The following KCNQ5 variants were observed in gnomAD, a reference collection of about 807,000 sequenced individuals.
KCNQ5 encodes the protein potassium voltage-gated channel subfamily Q member 5.
KCNQ5 carries 30 observed loss-of-function variants against 98.2 expected under a neutral mutation model. The observed-to-expected ratio is 0.31, with a 90% CI of 0.23 to 0.41. KCNQ5 has a LOEUF of 0.41. Among genes scored for constraint, KCNQ5 ranks in the 10% least tolerant of loss-of-function variants. The pLI is 1.00. For missense variants in KCNQ5, 835 were observed against 1,182.5 expected (o/e 0.71, Z 4.31); for synonymous variants, 458 against 449.4 (o/e 1.02, Z -0.24).
At position 72,813,895 on chromosome 6, in the gene KCNQ5, T is replaced by A. The variant is rs142739947; in HGVS notation, c.399-190013T>A. On this transcript the variant is annotated intron_variant, in intron 1 of 13. Transcript: ENST00000370398. ...CTCTTGTTGGTTGACTCTGTGGATA[T>A]GGAGAGTCAACTGTACCCTGTTGTA... Among the ~76,000 whole-genome samples, 1,153 of 152,336 alleles carry A rather than the reference T, an allele frequency of 7.6e-3. 9 individuals carry two copies. Among genetic ancestry groups the A allele is most frequent in the Non-Finnish European group, 9.2e-3 (628 of 68,026 alleles).
At chr6:72,887,434 T>C (rs1454766499) in intron 1 of KCNQ5, among the ~76,000 whole-genome samples, 2 of 152,036 alleles carry the variant, frequency 1.3e-5, no homozygotes, top group Non-Finnish European at 1.5e-5. Flanking sequence ...CACGTGGGAA[T>C]TGTGGGAGTT....
intron 1 of KCNQ5, among the ~76,000 whole-genome samples, chr6:72,632,139 T>TTG (rs1554680132): frequency 1.6e-4 from 4 of 25,216 alleles, no homozygotes; most frequent in Non-Finnish European, 7.3e-4. Flanking sequence ...TCTTTCTTTC[T>TTG]TTTTTTTTTT....
At chr6:72,658,578 A>ATATATATATATATATAT (rs1226386362) in intron 1 of KCNQ5, among the ~76,000 whole-genome samples, 2 of 76,380 alleles carry the variant, frequency 2.6e-5, no homozygotes, top group African/African-American at 8.7e-5. Context: ...ATATATATAT[A>ATATATATATATATATAT]TTTTTTTTTT....
chr6:72,815,588 T>G (rs943988771), intron 1 of KCNQ5, among the ~76,000 whole-genome samples: 1 of 152,144 alleles, frequency 6.6e-6, no homozygotes, highest in African/African-American at 2.4e-5. Flanking sequence ...AAAGCTAAGC[T>G]TAGATATTTG....
At chr6:72,965,341 G>A (rs1338308452) in intron 1 of KCNQ5, among the ~76,000 whole-genome samples, 3 of 152,180 alleles carry the variant, frequency 2.0e-5, no homozygotes, top group Admixed American at 1.3e-4. Flanking sequence ...ACAATAATAT[G>A]TATTGATAAG....
chr6:72,678,078 C>T (rs1222197181), intron 1 of KCNQ5, among the ~76,000 whole-genome samples: 3 of 152,168 alleles, frequency 2.0e-5, no homozygotes. Context: ...CTTGGAATTA[C>T]AACTTGAATA....
chr6:72,922,344 A>G (rs1230552682), intron 1 of KCNQ5, among the ~76,000 whole-genome samples: 1 of 152,186 alleles, frequency 6.6e-6, no homozygotes, highest in Non-Finnish European at 1.5e-5. Flanking sequence ...ATGATTTTTA[A>G]TATATGTATA....
intron 7 of KCNQ5, among the ~76,000 whole-genome samples, chr6:73,112,379 T>G (rs2150428592): frequency 6.6e-6 from 1 of 151,668 alleles, no homozygotes; most frequent in South Asian, 2.1e-4. Context: ...AGAGTCCCGC[T>G]TTGTCGCCCA....
chr6:72,940,218 A>T (rs543263020), intron 1 of KCNQ5, among the ~76,000 whole-genome samples: 2 of 152,220 alleles, frequency 1.3e-5, no homozygotes, highest in Non-Finnish European at 2.9e-5. Flanking sequence ...GGGCCTGCCT[A>T]TTCCCAAAAA....
chr6:72,789,655 A>G (rs1037810360), intron 1 of KCNQ5, among the ~76,000 whole-genome samples: 2 of 152,172 alleles, frequency 1.3e-5, no homozygotes, highest in African/African-American at 4.8e-5. Flanking sequence ...ATGTTTTGTG[A>G]GGTAGACATT....
chr6:72,676,841 C>CCAAATGT (rs1767436569), intron 1 of KCNQ5, among the ~76,000 whole-genome samples: 1 of 147,186 alleles, frequency 6.8e-6, no homozygotes, highest in African/African-American at 2.5e-5. Flanking sequence ...TAACATAGGA[C>CCAAATGT]CAAATGTTAA....
chr6:73,078,076 G>A (rs2150392147), intron 5 of KCNQ5, among the ~76,000 whole-genome samples, 189 bp downstream of exon 5: 1 of 151,584 alleles, frequency 6.6e-6, no homozygotes, highest in South Asian at 2.1e-4. Context: ...AAGTTGTCTT[G>A]TAAACCATCA....
intron 1 of KCNQ5, among the ~76,000 whole-genome samples, chr6:72,997,731 C>T (rs781770396): frequency 3.6e-5 from 5 of 138,478 alleles, no homozygotes; most frequent in Admixed American, 8.1e-5. Flanking sequence ...TGCAGTGAGC[C>T]GAGATTGCGT....
At chr6:72,960,202 A>C (rs13212511) in intron 1 of KCNQ5, among the ~76,000 whole-genome samples, 2 of 152,210 alleles carry the variant, frequency 1.3e-5, no homozygotes, top group Non-Finnish European at 2.9e-5. Flanking sequence ...TGGCCATTCC[A>C]TCACAGTATC....
chr6:72,723,847 T>C (rs1328634662), intron 1 of KCNQ5, among the ~76,000 whole-genome samples: 1 of 152,164 alleles, frequency 6.6e-6, no homozygotes, highest in South Asian at 2.1e-4. Context: ...CAACCCTTCA[T>C]GCTATTTTAG....
chr6:72,684,049 A>G (rs73535768), intron 1 of KCNQ5, among the ~76,000 whole-genome samples: 1 of 152,176 alleles, frequency 6.6e-6, no homozygotes, highest in African/African-American at 2.4e-5. Flanking sequence ...TTCAAAACCT[A>G]CAAGAAAACT....
At chr6:73,186,423 A>C (rs149628996) in intron 11 of KCNQ5, among the ~76,000 whole-genome samples, 253 of 152,350 alleles carry the variant, frequency 1.7e-3, no homozygotes, top group African/African-American at 5.8e-3. Context: ...TTAATAAGTA[A>C]GATTTTTTTT....
At chr6:72,982,833 G>T (rs1028418298) in intron 1 of KCNQ5, among the ~76,000 whole-genome samples, 1 of 152,124 alleles carries the variant, frequency 6.6e-6, no homozygotes, top group East Asian at 1.9e-4. Flanking sequence ...CATGTTTAGT[G>T]CTTCCTTTAG....
chr6:72,633,326 G>A (rs992986636), intron 1 of KCNQ5, among the ~76,000 whole-genome samples: 1 of 152,082 alleles, frequency 6.6e-6, no homozygotes, highest in Admixed American at 6.5e-5. Flanking sequence ...GGATATTAGA[G>A]CTTTGTCAGA....
Sources: allele counts gnomAD v4.1 joint callset (sites outside exome capture counted in the v4.1 genomes callset), GRCh38; gene constraint gnomAD v4.1.1; transcripts MANE v1.5; gene names NCBI Gene and HGNC (gene_info 2026-07-23, HGNC 2026-07-21).